TMEM131: variants seen among roughly 807,000 people sequenced by gnomAD.
TMEM131 encodes 2610524E03Rik.
Under a neutral mutation model 211.6 loss-of-function variants are expected in TMEM131, and 66 were observed. The observed-to-expected ratio is 0.31, with a 90% CI of 0.26 to 0.38. TMEM131 has a LOEUF of 0.38. Ranked by LOEUF, TMEM131 falls within the 10% of genes least tolerant of loss-of-function variation. The pLI, the probability that TMEM131 is intolerant of heterozygous loss-of-function variation, is 1.00. For missense variants in TMEM131, 2,036 were observed against 2,299.3 expected (o/e 0.89, Z 2.34); for synonymous variants, 844 against 841.3 (o/e 1.00, Z -0.06).
chr2:97,797,048 C>T lies in TMEM131; in HGVS notation c.2871-62G>A, dbSNP rs377148036. ...TAAATCTGCACAATCTTTTGATTTG[C>T]AATTTCTACTGTTATTTTACAGAGC... On this transcript the variant is annotated intron_variant, in intron 26 of 40. Coordinates refer to ENST00000186436, the MANE Select transcript of TMEM131 (RefSeq NM_015348.2). 5 of 1,509,626 alleles carry T rather than the reference C, an allele frequency of 3.3e-6. No homozygotes were observed. The African/African-American group carries it at 4.2e-5, about 13-fold the overall frequency. The allele number at this position is 1,509,626 out of a possible 1,614,324, so 93.5% of individuals were successfully genotyped here.
intron 1 of TMEM131, among the ~76,000 whole-genome samples, chr2:97,949,100 A>G (rs1344671544): frequency 6.6e-5 from 10 of 152,228 alleles, no homozygotes; most frequent in Non-Finnish European, 1.5e-4. Context: ...TAATAGTTCA[A>G]AAGAGGAAAC....
intron 1 of TMEM131, among the ~76,000 whole-genome samples, chr2:97,931,948 T>C (rs1177284135): frequency 6.6e-6 from 1 of 152,196 alleles, no homozygotes; most frequent in Non-Finnish European, 1.5e-5. Context: ...CCTATCTTAA[T>C]TCTTATCACA....
chr2:97,862,273 C>T (rs1674100872), intron 4 of TMEM131, among the ~76,000 whole-genome samples: 1 of 152,088 alleles, frequency 6.6e-6, no homozygotes, highest in South Asian at 2.1e-4. Context: ...CAAACAAGCC[C>T]AGACTGTGAA....
Position 97,759,023 on chromosome 2 carries a change from G to A in TMEM131, c.5237C>T (p.Ser1746Leu), listed in dbSNP as rs372771505. The change falls in exon 40 of 41, where the codon TCG (serine) becomes TTG (leucine). Residue 1746 changes from serine to leucine, a missense_variant. By Grantham distance (145) the Ser-to-Leu change is moderately radical (BLOSUM62 -2). Around this residue, in one of 3 missense-constraint regions of TMEM131, gnomAD observed 1,623 missense variants for 1,805.9 expected, o/e 0.90. Coordinates refer to ENST00000186436, the MANE Select transcript of TMEM131 (RefSeq NM_015348.2). ...EVFSKLGLSR[S>L]CNQASQRSWN... ...GCTCCTCTGTGAGGCCTGATTGCACGATCGAGATAATCCGAGTTTGCTGAA... is the reference window on the plus strand; with the variant it reads ...GCTCCTCTGTGAGGCCTGATTGCACAATCGAGATAATCCGAGTTTGCTGAA... 7.4e-6 allele frequency: 12 copies of A among 1,613,936 alleles called. No homozygotes were observed. Among genetic ancestry groups the A allele is most frequent in the Admixed American group, 3.3e-5 (2 of 60,014 alleles).
intron 3 of TMEM131, 137 bp downstream of exon 3, chr2:97,908,521 G>C (rs894681233): frequency 1.6e-6 from 1 of 626,484 alleles, no homozygotes; most frequent in Non-Finnish European, 2.8e-6. Flanking sequence ...ACAACACTTA[G>C]AAATAATCAT....
At chr2:97,770,237 T>TA (rs1171986361) in intron 33 of TMEM131, among the ~76,000 whole-genome samples, 2 of 152,156 alleles carry the variant, frequency 1.3e-5, no homozygotes, top group East Asian at 1.9e-4. Context: ...CTCCGGTTAT[T>TA]AAAAAAACCA....
intron 4 of TMEM131, among the ~76,000 whole-genome samples, chr2:97,864,485 G>A (rs910366586): frequency 1.5e-4 from 23 of 151,904 alleles, no homozygotes; most frequent in Admixed American, 1.3e-4. Flanking sequence ...AATATCTTAG[G>A]TAATCCATAA....
At chr2:97,915,277 A>G (rs1358200230) in intron 2 of TMEM131, among the ~76,000 whole-genome samples, 1 of 152,068 alleles carries the variant, frequency 6.6e-6, no homozygotes, top group African/African-American at 2.4e-5. Flanking sequence ...CTCCTAGTCT[A>G]TATTTATCTT....
At chr2:97,952,532 G>C (rs1678372659) in intron 1 of TMEM131, among the ~76,000 whole-genome samples, 1 of 152,120 alleles carries the variant, frequency 6.6e-6, no homozygotes, top group African/African-American at 2.4e-5. Flanking sequence ...AGTGCAAAAG[G>C]AGTGGCATAT....
chr2:97,757,380 C>T lies in TMEM131; in HGVS notation c.5371G>A (p.Val1791Ile), dbSNP rs375340921. 2.7e-3 allele frequency: 4,225 copies of T among 1,591,070 alleles called. 135 individuals are homozygous for T. In the South Asian group the frequency reaches 0.045, roughly 17 times the overall value. ...CACAGGCCGCTGGTGTTACCGAGGA[C>T]CGACTGCGACAAAACAGAAAGCGTC... ...SGSPTHTATS[V>I]LGNTSGLWST... is the part of the protein sequence containing the mutation. Residue 1791 changes from valine (V) to isoleucine (I), a missense_variant, in exon 41 of 41, where the codon GTC becomes ATC. Val to Ile is a conservative substitution (Grantham distance 29). Coordinates refer to ENST00000186436, the MANE Select transcript of TMEM131 (RefSeq NM_015348.2).
At chr2:97,881,461 G>A (rs1674926375) in intron 4 of TMEM131, among the ~76,000 whole-genome samples, 1 of 151,586 alleles carries the variant, frequency 6.6e-6, no homozygotes, top group African/African-American at 2.4e-5. Flanking sequence ...TCCCACCTCG[G>A]CCTCCCATAG....
At chr2:97,772,652 C>A (rs1357459509) in intron 32 of TMEM131, among the ~76,000 whole-genome samples, 1 of 151,832 alleles carries the variant, frequency 6.6e-6, no homozygotes, top group East Asian at 1.9e-4. Context: ...TCCCAGCACT[C>A]TGGGAAGCCG....
chr2:97,878,114 G>C (rs568053762), intron 4 of TMEM131, among the ~76,000 whole-genome samples: 1 of 152,250 alleles, frequency 6.6e-6, no homozygotes, highest in Non-Finnish European at 1.5e-5. Flanking sequence ...CATCATCACT[G>C]GTCATTAGAG....
chr2:97,938,255 C>A (rs1677540937), intron 1 of TMEM131, among the ~76,000 whole-genome samples: 3 of 152,062 alleles, frequency 2.0e-5, no homozygotes. Flanking sequence ...AGAGTCAAGA[C>A]CCATCAGTGT....
intron 31 of TMEM131, among the ~76,000 whole-genome samples, chr2:97,786,326 T>C (rs570158910): frequency 1.3e-5 from 2 of 152,240 alleles, no homozygotes; most frequent in African/African-American, 4.8e-5. Flanking sequence ...GCAGAGGGAT[T>C]GCTTGAGCCC....
At chr2:97,886,702 G>A (rs576323937) in intron 4 of TMEM131, among the ~76,000 whole-genome samples, 1 of 152,270 alleles carries the variant, frequency 6.6e-6, no homozygotes, top group South Asian at 2.1e-4. Flanking sequence ...CCAACTTAGG[G>A]TCTGGCTCTA....
chr2:97,964,626 CCT>C (rs1287038697), intron 1 of TMEM131, among the ~76,000 whole-genome samples: 1 of 152,200 alleles, frequency 6.6e-6, no homozygotes. Context: ...CCTTAAACCA[CCT>C]GTTTACTCCC....
intron 3 of TMEM131, among the ~76,000 whole-genome samples, chr2:97,890,949 A>G (rs1420689069): frequency 6.6e-6 from 1 of 152,258 alleles, no homozygotes; most frequent in Non-Finnish European, 1.5e-5. Flanking sequence ...CCTCATAAAT[A>G]AAAGCATATT....
chr2:97,938,242 TAA>T (rs1435509822), intron 1 of TMEM131, among the ~76,000 whole-genome samples: 5 of 151,996 alleles, frequency 3.3e-5, no homozygotes, highest in African/African-American at 1.2e-4. Context: ...GCAAATTGGA[TAA>T]AGAGTCAAGA....
Sources: gnomAD v4.1 joint callset for allele counts (sites outside exome capture counted in the v4.1 genomes callset) on GRCh38, gnomAD v4.1.1 for gene constraint, gnomAD v4.1.1 regional missense constraint, MANE v1.5 for transcripts, NCBI Gene and HGNC (gene_info 2026-07-23, HGNC 2026-07-21) for gene names.